The following RBFOX2 variants were observed in gnomAD, a reference collection of about 807,000 sequenced individuals.
The protein encoded by RBFOX2 is RNA binding protein fox-1 homolog 2.
In RBFOX2, 10 loss-of-function variants were observed where a neutral mutation model predicts 49.1. The observed-to-expected ratio is 0.20, with a 90% CI of 0.13 to 0.35. The LOEUF is 0.35. Among genes scored for constraint, RBFOX2 ranks in the 10% least tolerant of loss-of-function variants. RBFOX2 has a pLI of 1.00. For missense variants in RBFOX2, 323 were observed against 486.9 expected (o/e 0.66, Z 3.17); for synonymous variants, 183 against 187.4 (o/e 0.98, Z 0.19).
In RBFOX2 at chr22:35,846,415, T is replaced by C. The variant is rs563830785; in HGVS notation, c.-33-36411A>G. Among the ~76,000 whole-genome samples the C allele has an allele frequency of 1.2e-4, 18 of 149,176 alleles. 1 individual carries two copies. In the South Asian group the frequency reaches 3.7e-3, roughly 31 times the overall value. The stretch of plus-strand genomic sequence containing the variant: ...ACTTCCCATGAAGAAATGGAGAGCC[T>C]AATATACTCTACAGCATTTTGAGGA... On this transcript the variant is annotated intron_variant, in intron 1 of 13. Coordinates refer to the RBFOX2 transcript ENST00000359369.
chr22:35,877,329 G>C (rs2045263764), intron 1 of RBFOX2, among the ~76,000 whole-genome samples: 1 of 152,172 alleles, frequency 6.6e-6, no homozygotes, highest in Admixed American at 6.5e-5. Flanking sequence ...ATATATAAAA[G>C]AATGCTATTA....
intron 1 of RBFOX2, among the ~76,000 whole-genome samples, chr22:35,912,805 TG>T (rs1229236163): frequency 2.0e-5 from 3 of 152,308 alleles, no homozygotes; most frequent in Admixed American, 6.5e-5. Flanking sequence ...AGAGGCAGCA[TG>T]GCATTGAAGA....
At chr22:36,013,013 C>G (rs930650634) in intron 1 of RBFOX2, among the ~76,000 whole-genome samples, 1 of 152,132 alleles carries the variant, frequency 6.6e-6, no homozygotes, top group Non-Finnish European at 1.5e-5. Flanking sequence ...ATTCGCCCGC[C>G]TCGGCTTCCC....
intron 1 of RBFOX2, among the ~76,000 whole-genome samples, chr22:35,991,163 G>A (rs2057963259): frequency 6.6e-6 from 1 of 152,014 alleles, no homozygotes; most frequent in Admixed American, 6.6e-5. Context: ...AGGATGTAAA[G>A]TCCTGAGAAA....
At chr22:35,956,040 A>G (rs953669891) in intron 1 of RBFOX2, among the ~76,000 whole-genome samples, 2 of 152,242 alleles carry the variant, frequency 1.3e-5, no homozygotes, top group African/African-American at 2.4e-5. Context: ...TGTTAATATA[A>G]AAATTCATTG....
At chr22:35,852,407 G>A (rs1458905103) in intron 1 of RBFOX2, among the ~76,000 whole-genome samples, 2 of 150,886 alleles carry the variant, frequency 1.3e-5, no homozygotes. Context: ...GCATGTGCCT[G>A]TAGTCCCAGC....
intron 1 of RBFOX2, among the ~76,000 whole-genome samples, chr22:35,875,669 T>C (rs987803200): frequency 7.5e-6 from 1 of 132,938 alleles, no homozygotes; most frequent in African/African-American, 2.8e-5. Flanking sequence ...TGTGTGTGTC[T>C]TGTAGCCCAT....
intron 1 of RBFOX2, among the ~76,000 whole-genome samples, chr22:35,913,974 G>A (rs2050121889): frequency 6.6e-6 from 1 of 152,182 alleles, no homozygotes; most frequent in African/African-American, 2.4e-5. Context: ...GAATCCCTAA[G>A]TCATTTACTT....
chr22:35,980,503 G>T (rs1603461560), intron 1 of RBFOX2, among the ~76,000 whole-genome samples: 1 of 152,288 alleles, frequency 6.6e-6, no homozygotes, highest in East Asian at 1.9e-4. Context: ...AAAGAGAACA[G>T]AAGTTAAATA....
exon 3 of RBFOX2, chr22:35,781,644 T>C: frequency 6.2e-7 from 1 of 1,614,190 alleles, no homozygotes; most frequent in South Asian, 1.1e-5. Flanking sequence ...CGGAAAGGAA[T>C]ATTAGAGACA....
chr22:35,850,567 T>TG (rs2041825381), intron 1 of RBFOX2, among the ~76,000 whole-genome samples: 1 of 152,058 alleles, frequency 6.6e-6, no homozygotes, highest in Non-Finnish European at 1.5e-5. Context: ...TGCAAAAAGG[T>TG]GGGGGTGGAA....
At chr22:35,953,617 C>G (rs1428573204) in intron 1 of RBFOX2, among the ~76,000 whole-genome samples, 1 of 152,220 alleles carries the variant, frequency 6.6e-6, no homozygotes, top group African/African-American at 2.4e-5. Flanking sequence ...GTATTAAATG[C>G]CACCAAATTG....
intron 1 of RBFOX2, among the ~76,000 whole-genome samples, chr22:35,878,986 T>C (rs968322442): frequency 1.3e-5 from 2 of 152,228 alleles, no homozygotes; most frequent in African/African-American, 4.8e-5. Context: ...CGCCTTGGCC[T>C]CCCAAAGTGC....
chr22:35,900,379 G>A lies in RBFOX2; in HGVS notation c.-34+38468C>T, dbSNP rs138019089. ...CTCTGTGGTTGTAAGAGGATAGCGGGGGGAAGTAGGTATACCGGGGGAGCC... is the reference window on the plus strand; with the variant it reads ...CTCTGTGGTTGTAAGAGGATAGCGGAGGGAAGTAGGTATACCGGGGGAGCC... On this transcript the variant is annotated intron_variant, in intron 1 of 13. Transcript: ENST00000359369. 3.7e-3 allele frequency among the ~76,000 whole-genome samples: 568 copies of A among 151,954 alleles called. 4 individuals carry two copies. The highest frequency in any genetic ancestry group is 0.013 in the African/African-American group (531 of 41,428).
intron 2 of RBFOX2, among the ~76,000 whole-genome samples, chr22:35,786,941 T>C (rs1946528700): frequency 6.6e-6 from 1 of 152,064 alleles, no homozygotes; most frequent in Non-Finnish European, 1.5e-5. Context: ...TCTCTTACCT[T>C]CTTAGGACTC....
At chr22:35,928,528 C>A (rs561736592) in intron 1 of RBFOX2, among the ~76,000 whole-genome samples, 2 of 152,312 alleles carry the variant, frequency 1.3e-5, no homozygotes, top group East Asian at 3.9e-4. Context: ...CACCAGGCCT[C>A]AGCAGAGAGG....
At chr22:35,829,911 C>G (rs933455225) in intron 1 of RBFOX2, among the ~76,000 whole-genome samples, 3 of 152,104 alleles carry the variant, frequency 2.0e-5, no homozygotes, top group African/African-American at 4.8e-5. Flanking sequence ...TGCCATTTAC[C>G]GTCATACACC....
intron 1 of RBFOX2, among the ~76,000 whole-genome samples, chr22:35,874,007 G>C (rs1460410987): frequency 6.6e-6 from 1 of 152,168 alleles, no homozygotes; most frequent in South Asian, 2.1e-4. Context: ...GATCAAAAGG[G>C]AGAAATTGGA....
intron 1 of RBFOX2, among the ~76,000 whole-genome samples, chr22:35,946,552 A>G (rs1030349981): frequency 6.6e-6 from 1 of 152,220 alleles, no homozygotes; most frequent in Non-Finnish European, 1.5e-5. Flanking sequence ...GAGAAGCTCA[A>G]AAAGAATTCC....
Sources: gnomAD v4.1 joint callset for allele counts (sites outside exome capture counted in the v4.1 genomes callset) on GRCh38, gnomAD v4.1.1 for gene constraint, MANE v1.5 for transcripts, NCBI Gene and HGNC (gene_info 2026-07-23, HGNC 2026-07-21) for gene names.